The following ZNF774 variants were observed in gnomAD, a reference collection of about 807,000 sequenced individuals.
The protein encoded by ZNF774 is zinc finger protein 774.
ZNF774 carries 14 observed loss-of-function variants against 11.1 expected under a neutral mutation model. The ratio of observed to expected loss-of-function variants is 1.26; its 90% CI spans 0.83 to 1.97. The LOEUF (loss-of-function observed/expected upper bound fraction) is 1.97, where lower values mean the gene tolerates loss of function less well. Among genes scored for constraint, ZNF774 ranks in the 30% most tolerant of loss-of-function variants. The pLI, the probability that ZNF774 is intolerant of heterozygous loss-of-function variation, is 0.00. For missense variants in ZNF774, 599 were observed against 587.0 expected, an observed-to-expected ratio of 1.02 and a Z score of -0.21; for synonymous variants, 195 against 212.6, an observed-to-expected ratio of 0.92 and a Z score of 0.72.
Position 90,360,256 on chromosome 15 carries a change from T to C in ZNF774, c.425T>C (p.Leu142Pro), listed in dbSNP as rs900427231. ...TCACAGGAGAGGGATTTAAACAAGC[T>C]CCTGGATGGATATGTAGGAGAGAAG... ...SFSQERDLNK[L>P]LDGYVGEKPM... The change falls in exon 4 of 4, where the codon CTC becomes CCC. Residue 142 changes from leucine (L) to proline (P), a missense_variant. Transcript: ENST00000354377. 1.9e-6 allele frequency: 3 copies of C among 1,614,030 alleles called. No individual in the cohort carries two copies. Among genetic ancestry groups the C allele is most frequent in the Non-Finnish European group, 2.5e-6 (3 of 1,180,030 alleles).
intron 2 of ZNF774, among the ~76,000 whole-genome samples, chr15:90,355,722 C>CA (rs35498554): frequency 0.18 from 7,028 of 39,822 alleles, 1,058 homozygotes; most frequent in Non-Finnish European, 0.2. Context: ...GACTCTGTCT[C>CA]AAAAAAAAAA....
Position 90,360,933 on chromosome 15 carries a change from A to G in ZNF774, c.1102A>G (p.Thr368Ala). The G allele has an allele frequency of 1.9e-6, 3 of 1,614,196 alleles. No homozygotes were observed. In the South Asian group the frequency reaches 3.3e-5, roughly 18 times the overall value. The change falls in exon 4 of 4, where the codon ACA (threonine) becomes GCA (alanine). Residue 368 changes from threonine (T) to alanine (A), a missense_variant. Physicochemically the swap from Thr to Ala is moderately conservative, Grantham distance 58. Transcript: ENST00000354377. Reference sequence around the variant, plus strand: ...CTCACATTTGGTCACGCACCAAAGAACACACACAGGTGAGAGACCTTTTAA... The same window carrying G: ...CTCACATTTGGTCACGCACCAAAGAGCACACACAGGTGAGAGACCTTTTAA... ...QSSHLVTHQR[T>A]HTGERPFKCE...
chr15:90,357,674 C>A (rs1382915223), intron 2 of ZNF774, among the ~76,000 whole-genome samples: 1 of 152,132 alleles, frequency 6.6e-6, no homozygotes, highest in East Asian at 1.9e-4. Flanking sequence ...CAGGCTCAAG[C>A]AATTCCCATG....
intron 2 of ZNF774, among the ~76,000 whole-genome samples, chr15:90,356,981 C>T (rs1229729648): frequency 6.6e-6 from 1 of 150,946 alleles, no homozygotes; most frequent in South Asian, 2.1e-4. Flanking sequence ...TTGTGATAAA[C>T]ATCTTTTAGC....
At chr15:90,353,425 A>AGTGTGTGT (rs56080142) in intron 1 of ZNF774, among the ~76,000 whole-genome samples, 3,357 of 139,386 alleles carry the variant, frequency 0.024, 100 homozygotes, top group African/African-American at 0.065. Flanking sequence ...TTCCCCCAAA[A>AGTGTGTGT]GTGTGTGTGT....
intron 2 of ZNF774, chr15:90,355,241 C>A (rs1964227659): frequency 6.6e-6 from 3 of 453,078 alleles, no homozygotes; most frequent in African/African-American, 6.0e-5. Context: ...GGGAGAAAAA[C>A]AATTACTTCC....
chr15:90,353,640 G>A (rs1376925508), intron 1 of ZNF774, among the ~76,000 whole-genome samples: 1 of 151,410 alleles, frequency 6.6e-6, no homozygotes, highest in East Asian at 1.9e-4. Flanking sequence ...TCTGTTGCTA[G>A]GCTGGGGTGC....
rs1964331482 is a variant in ZNF774, at chr15:90,361,217, T to C, written c.1386T>C (p.Ser462=). Residue 462 remains serine (S), a synonymous_variant, in exon 4 of 4, where the codon AGT becomes AGC. Coordinates refer to ENST00000354377, the MANE Select transcript of ZNF774 (RefSeq NM_001004309.3). ...THTGEKPFHC[S]KCNKSFRQKA... ...CAGGAGAAAAACCTTTCCACTGTAGTAAATGTAACAAGAGCTTCCGTCAGA... is the reference window on the plus strand; with the variant it reads ...CAGGAGAAAAACCTTTCCACTGTAGCAAATGTAACAAGAGCTTCCGTCAGA... 1.9e-6 allele frequency: 3 copies of C among 1,613,228 alleles called. No individual in the cohort carries two copies. In the Admixed American group the frequency reaches 5.0e-5, roughly 27 times the overall value.
intron 1 of ZNF774, among the ~76,000 whole-genome samples, chr15:90,354,413 G>C (rs1040385614): frequency 6.6e-6 from 1 of 152,212 alleles, no homozygotes; most frequent in Non-Finnish European, 1.5e-5. Flanking sequence ...CTGTCGATGT[G>C]TTTGGGAGGC....
intron 2 of ZNF774, chr15:90,355,408 G>A (rs1417593220): frequency 2.2e-6 from 1 of 455,950 alleles, no homozygotes; most frequent in South Asian, 1.5e-5. Context: ...GGTCTTTGTG[G>A]AAAAGGAGGT....
chr15:90,360,328 T>C lies in ZNF774; in HGVS notation c.497T>C (p.Leu166Pro), dbSNP rs755485438. 1.1e-5 allele frequency: 17 copies of C among 1,614,166 alleles called. No individual in the cohort carries two copies. Among genetic ancestry groups the C allele is most frequent in the Non-Finnish European group, 1.4e-5 (16 of 1,180,036 alleles). ...CGKSFNQSSY[L>P]IRHLRTHTGE... ...AAAAGCTTTAACCAGAGTTCCTATC[T>C]CATAAGACACCTAAGAACCCACACT... The change falls in exon 4 of 4, where the codon CTC becomes CCC. Residue 166 changes from leucine to proline, a missense_variant. By Grantham distance (98) the Leu-to-Pro change is moderately conservative. Transcript: ENST00000354377.
rs1567102569 is a variant in ZNF774, at chr15:90,360,706, GGT to G, written c.878_879del (p.Cys293Ter). ...ACCCACACAGGGGTGAAGCCTTACA[GGT>G]GTAATGACTGTGGGGAGAGTTTTAG... On this transcript the variant is annotated frameshift_variant, in exon 4 of 4. Coordinates refer to ENST00000354377, the MANE Select transcript of ZNF774 (RefSeq NM_001004309.3). LOFTEE classifies it low-confidence loss of function (END_TRUNC). The G allele has an allele frequency of 1.9e-6, 3 of 1,614,196 alleles. No homozygotes were observed. In the African/African-American group the frequency reaches 4.0e-5, roughly 22 times the overall value.
chr15:90,361,197 G>A lies in ZNF774; in HGVS notation c.1366G>A (p.Glu456Lys). The change falls in exon 4 of 4, where the codon GAA becomes AAA. Residue 456 changes from glutamate to lysine, a missense_variant. Coordinates refer to ENST00000354377, the MANE Select transcript of ZNF774 (RefSeq NM_001004309.3). ...CACACACCAGAGAACGCATACAGGA[G>A]AAAAACCTTTCCACTGTAGTAAATG... Reference protein sequence around the residue: ...FLTHQRTHTGEKPFHCSKCNK... With the variant: ...FLTHQRTHTGKKPFHCSKCNK... 1.2e-6 allele frequency: 2 copies of A among 1,614,094 alleles called. No homozygotes were observed. Among genetic ancestry groups the A allele is most frequent in the South Asian group, 2.2e-5 (2 of 91,062 alleles).
Position 90,361,273 on chromosome 15 carries a change from A to G in ZNF774, c.1442A>G (p.His481Arg), listed in dbSNP as rs755593390. The change falls in exon 4 of 4, where the codon CAT becomes CGT. Residue 481 changes from histidine (H) to arginine (R), a missense_variant. By Grantham distance (29) the His-to-Arg change is conservative (BLOSUM62 0). Coordinates refer to ENST00000354377, the MANE Select transcript of ZNF774 (RefSeq NM_001004309.3). ...CATCTTTTATGCCATCAAAACACCC[A>G]TTTGATTTAGGAAGTAGTCTTTGGT... ...KAHLLCHQNT[H>R]LI The G allele has an allele frequency of 6.9e-6, 11 of 1,599,714 alleles. No homozygotes were observed. The highest frequency in any genetic ancestry group is 6.7e-5 in the East Asian group (3 of 44,718).
At chr15:90,353,693 T>C (rs1964205526) in intron 1 of ZNF774, among the ~76,000 whole-genome samples, 1 of 151,816 alleles carries the variant, frequency 6.6e-6, no homozygotes, top group Non-Finnish European at 1.5e-5. Flanking sequence ...ACTCCTGGGC[T>C]GAAGTGATCC....
intron 1 of ZNF774, among the ~76,000 whole-genome samples, chr15:90,353,079 T>C (rs1038712618): frequency 6.6e-6 from 1 of 152,132 alleles, no homozygotes; most frequent in Non-Finnish European, 1.5e-5. Context: ...GCGATTCTCC[T>C]GCCTCAGCCT....
rs773383544 is a variant in ZNF774, at chr15:90,361,158, C to G, written c.1327C>G (p.Arg443Gly). ...TGAGTGTGGCAAGACCTTCAATCAG[C>G]GTTCCCATTTCCTCACACACCAGAG... is the stretch of plus-strand genomic sequence containing the variant. ...CPECGKTFNQRSHFLTHQRTH... is the reference protein window; with the variant it reads ...CPECGKTFNQGSHFLTHQRTH... The change falls in exon 4 of 4, where the codon CGT becomes GGT. Residue 443 changes from arginine (R) to glycine (G), a missense_variant. By Grantham distance (125) the Arg-to-Gly change is moderately radical. Coordinates refer to ENST00000354377, the MANE Select transcript of ZNF774 (RefSeq NM_001004309.3). The G allele has an allele frequency of 3.1e-6, 5 of 1,614,064 alleles. No individual in the cohort carries two copies. The highest frequency in any genetic ancestry group is 3.4e-6 in the Non-Finnish European group (4 of 1,180,052).
At position 90,361,425 on chromosome 15, in the gene ZNF774, CAGAG is replaced by C; in HGVS notation, c.*145_*148del. 2 of 1,472,238 alleles carry C rather than the reference CAGAG, an allele frequency of 1.4e-6. No homozygotes were observed. Among genetic ancestry groups the C allele is most frequent in the Admixed American group, 4.9e-5 (2 of 41,126 alleles). 91.2% of individuals were successfully genotyped at this position (1,472,238 alleles called of 1,614,324 possible). Reference sequence around the variant, plus strand: ...TCCCTCTTTCTTGTCTATGTTATAACAGAGAGGATAAACTTAAAGGGTCCAAATA... The same window carrying C: ...TCCCTCTTTCTTGTCTATGTTATAACAGGATAAACTTAAAGGGTCCAAATA... On this transcript the variant is annotated 3_prime_UTR_variant, in exon 4 of 4. Coordinates refer to ENST00000354377, the MANE Select transcript of ZNF774 (RefSeq NM_001004309.3).
Position 90,360,378 on chromosome 15 carries a change from G to A in ZNF774, c.547G>A (p.Glu183Lys). 6.2e-7 allele frequency: 1 copy of A among 1,614,148 alleles called. No homozygotes were observed. Among genetic ancestry groups the A allele is most frequent in the South Asian group, 1.1e-5 (1 of 91,088 alleles). Residue 183 changes from glutamate (E) to lysine (K), a missense_variant, in exon 4 of 4, where the codon GAG becomes AAG. Glu to Lys is a moderately conservative substitution (Grantham distance 56). Coordinates refer to ENST00000354377, the MANE Select transcript of ZNF774 (RefSeq NM_001004309.3). ...TGGCGAGAGGCCCTATACGTGCATT[G>A]AGTGTGGGAAAGGCTTCAAACAGAG... ...HTGERPYTCI[E>K]CGKGFKQSSD...
Sources: gnomAD v4.1 joint callset for allele counts (sites outside exome capture counted in the v4.1 genomes callset) on GRCh38, gnomAD v4.1.1 for gene constraint, MANE v1.5 for transcripts, NCBI Gene and HGNC (gene_info 2026-07-23, HGNC 2026-07-21) for gene names.